Variants in SHISA6 observed in about 807,000 individuals in gnomAD.
SHISA6 encodes shisa family member 6.
SHISA6 carries 22 observed loss-of-function variants against 47.9 expected under a neutral mutation model. That is an observed-to-expected ratio of 0.46 (90% CI 0.33 to 0.66). The LOEUF is 0.66. Ranked by LOEUF, SHISA6 falls within the 30% of genes least tolerant of loss-of-function variation. The pLI is 0.02. For synonymous variants in SHISA6, 388 were observed against 337.8 expected (o/e 1.15, Z -1.63); for missense variants, 680 against 764.6 (o/e 0.89, Z 1.30).
chr17:11,466,906 T>A (rs1017277583), intron 3 of SHISA6, among the ~76,000 whole-genome samples: 1 of 152,154 alleles, frequency 6.6e-6, no homozygotes, highest in Non-Finnish European at 1.5e-5. Flanking sequence ...AGATCAGGGC[T>A]GCTCTCTACT....
rs1407861859 is a variant in SHISA6 at position 11,241,391 on chromosome 17, A to G, written c.-32A>G. 4.7e-6 allele frequency: 5 copies of G among 1,067,638 alleles called. No individual in the cohort carries two copies. The highest frequency in any genetic ancestry group is 3.3e-5 in the South Asian group (1 of 30,560). The allele number at this position is 1,067,638 out of a possible 1,614,324, so 66.1% of individuals were successfully genotyped here. A position where few individuals can be genotyped will look rare whatever the true frequency, so the allele number is the denominator to read the frequency against. On this transcript the variant is annotated 5_prime_UTR_variant, in exon 1 of 6. Transcript: ENST00000441885. The surrounding 1 kb of genome is among the most constrained non-coding windows in gnomAD (Gnocchi z 5.5). ...CGCCGGGGGAGCGGCCTGCCGCGGA[A>G]GCCTCCCCGCGCCCTCCCGCCCGGC...
intron 3 of SHISA6, among the ~76,000 whole-genome samples, chr17:11,469,475 G>A (rs1915887516): frequency 6.6e-6 from 1 of 152,158 alleles, no homozygotes; most frequent in Non-Finnish European, 1.5e-5. Flanking sequence ...AGAACTGTCA[G>A]GTAATAAGTT....
At chr17:11,489,779 A>C (rs370226966) in intron 3 of SHISA6, among the ~76,000 whole-genome samples, 1 of 152,320 alleles carries the variant, frequency 6.6e-6, no homozygotes, top group East Asian at 1.9e-4. Flanking sequence ...TGATCATCCC[A>C]ACTTGGGGAT....
intron 3 of SHISA6, among the ~76,000 whole-genome samples, chr17:11,381,013 C>A (rs531075430): frequency 1.3e-5 from 2 of 152,156 alleles, no homozygotes; most frequent in Non-Finnish European, 2.9e-5. Context: ...CACGCCATTA[C>A]TTTTGCAATA....
intron 3 of SHISA6, among the ~76,000 whole-genome samples, chr17:11,438,559 G>C (rs1915006247): frequency 1.3e-5 from 2 of 152,152 alleles, no homozygotes; most frequent in South Asian, 4.2e-4. Flanking sequence ...GATAGAGAGA[G>C]AGAAAGAGAG....
chr17:11,295,541 G>C (rs1003033412), intron 2 of SHISA6, among the ~76,000 whole-genome samples: 1 of 152,220 alleles, frequency 6.6e-6, no homozygotes, highest in Admixed American at 6.5e-5. Context: ...GGAAGGTGAT[G>C]TTGGAAGTAA....
chr17:11,387,936 A>G (rs1275687944), intron 3 of SHISA6, among the ~76,000 whole-genome samples: 1 of 152,062 alleles, frequency 6.6e-6, no homozygotes, highest in Non-Finnish European at 1.5e-5. Context: ...CCACCAGCCC[A>G]TTTGTCTGGG....
At chr17:11,276,475 G>T (rs1314142959) in intron 2 of SHISA6, among the ~76,000 whole-genome samples, 3 of 152,150 alleles carry the variant, frequency 2.0e-5, no homozygotes, top group African/African-American at 4.8e-5. Context: ...TGGAATATTT[G>T]CAAGAATGAT....
intron 3 of SHISA6, among the ~76,000 whole-genome samples, chr17:11,548,919 A>G (rs952514077): frequency 6.6e-6 from 1 of 152,236 alleles, no homozygotes; most frequent in Non-Finnish European, 1.5e-5. Context: ...TTAAAGTAGT[A>G]TATGCAGCAT....
At chr17:11,519,760 C>T (rs1297168899) in intron 3 of SHISA6, among the ~76,000 whole-genome samples, 1 of 152,152 alleles carries the variant, frequency 6.6e-6, no homozygotes, top group African/African-American at 2.4e-5. Context: ...CCACCTCCCC[C>T]ACGCCAACAA....
intron 2 of SHISA6, among the ~76,000 whole-genome samples, chr17:11,339,937 A>G (rs1911466583): frequency 1.3e-5 from 2 of 152,186 alleles, no homozygotes; most frequent in African/African-American, 4.8e-5. Flanking sequence ...CCAGGTATTC[A>G]AGAATTGGTA....
intron 3 of SHISA6, among the ~76,000 whole-genome samples, chr17:11,434,632 T>G (rs556912324): frequency 6.6e-6 from 1 of 152,326 alleles, no homozygotes; most frequent in African/African-American, 2.4e-5. Context: ...TGTGTCACAT[T>G]TAGAGTTTTT....
intron 2 of SHISA6, among the ~76,000 whole-genome samples, chr17:11,280,119 G>T (rs1909069789): frequency 6.6e-6 from 1 of 152,154 alleles, no homozygotes; most frequent in Non-Finnish European, 1.5e-5. Flanking sequence ...AACAAGCCTT[G>T]GTGGCGTTTC....
chr17:11,305,454 T>C (rs1022438849), intron 2 of SHISA6, among the ~76,000 whole-genome samples: 1 of 152,172 alleles, frequency 6.6e-6, no homozygotes, highest in Non-Finnish European at 1.5e-5. Context: ...GCCCCTGAAA[T>C]GGCGGGAGAA....
At chr17:11,315,880 G>T (rs947433727) in intron 2 of SHISA6, among the ~76,000 whole-genome samples, 10 of 152,094 alleles carry the variant, frequency 6.6e-5, no homozygotes, top group Non-Finnish European at 1.0e-4. Flanking sequence ...TTTATTACAA[G>T]ACATTTTATC....
intron 3 of SHISA6, among the ~76,000 whole-genome samples, chr17:11,533,076 G>A (rs547949633): frequency 6.6e-5 from 10 of 152,226 alleles, no homozygotes; most frequent in South Asian, 2.1e-4. Flanking sequence ...GACAAATGCT[G>A]TATCCAACAA....
At chr17:11,516,793 G>C (rs140832748) in intron 3 of SHISA6, among the ~76,000 whole-genome samples, 146 of 152,300 alleles carry the variant, frequency 9.6e-4, no homozygotes, top group African/African-American at 3.4e-3. Flanking sequence ...CCTGGCCATG[G>C]ATAGTCTCTG....
intron 2 of SHISA6, among the ~76,000 whole-genome samples, chr17:11,342,607 T>G (rs575935474): frequency 2.6e-4 from 40 of 152,296 alleles, no homozygotes; most frequent in South Asian, 8.3e-4. Context: ...AGCAGAGCAG[T>G]AACAACCTTC....
At chr17:11,534,746 A>C (rs1359856820) in intron 3 of SHISA6, among the ~76,000 whole-genome samples, 3 of 152,184 alleles carry the variant, frequency 2.0e-5, no homozygotes, top group African/African-American at 7.2e-5. Flanking sequence ...CATTCCAGGG[A>C]GACAGAAACA....
Sources: allele counts gnomAD v4.1 joint callset (sites outside exome capture counted in the v4.1 genomes callset), GRCh38; gene constraint gnomAD v4.1.1; non-coding constraint Gnocchi (gnomAD v3.1); transcripts MANE v1.5; gene names NCBI Gene and HGNC (gene_info 2026-07-23, HGNC 2026-07-21).